The following CRYBG1 variants were observed in gnomAD, a reference collection of about 807,000 sequenced individuals.
The protein encoded by CRYBG1 is beta/gamma crystallin domain-containing protein 1.
In CRYBG1, 139 loss-of-function variants were observed where a neutral mutation model predicts 189.2. The observed-to-expected ratio is 0.73, with a 90% CI of 0.64 to 0.85. CRYBG1 has a LOEUF of 0.85. Among genes scored for constraint, CRYBG1 ranks in the 40% least tolerant of loss-of-function variants. The pLI, the probability that CRYBG1 is intolerant of heterozygous loss-of-function variation, is 0.00. For synonymous variants in CRYBG1, 1,023 were observed against 1,017.1 expected, an observed-to-expected ratio of 1.01 and a Z score of -0.11; for missense variants, 2,611 against 2,675.8, an observed-to-expected ratio of 0.98 and a Z score of 0.53.
chr6:106,482,753 C>T (rs994404951), intron 2 of CRYBG1, among the ~76,000 whole-genome samples: 1 of 150,750 alleles, frequency 6.6e-6, no homozygotes, highest in African/African-American at 2.5e-5. Flanking sequence ...GCAGCCTGGG[C>T]GACAGAGCGA....
In CRYBG1 at chr6:106,539,554, T is replaced by C. The variant is rs774622569; in HGVS notation, c.4845+25T>C. The C allele has an allele frequency of 3.8e-6, 6 of 1,595,944 alleles. No individual in the cohort carries two copies. The Admixed American group carries it at 8.7e-5, about 23-fold the overall frequency. ...GGTAAAAATGAAATCCAAATGTCCT[T>C]GTGGTGATTCTTTGTCAGCTTGACG... On this transcript the variant is annotated intron_variant, in intron 9 of 21. Transcript: ENST00000633556.
rs1234217551 is a variant in CRYBG1, at chr6:106,544,571, T to C, written c.5040T>C (p.Ile1680=). The stretch of plus-strand genomic sequence containing the variant: ...ACTCCTCGTGTTCTTTATGTTGCAG[T>C]TGGGTTGCATATGAGAAACCTGGAT... The part of the protein sequence containing the change: ...SVGSMKVLRG[I]WVAYEKPGFT... Residue 1680 remains isoleucine, a splice_region_variant and synonymous_variant, in exon 12 of 22, where the codon ATT becomes ATC. Transcript: ENST00000633556. The C allele has an allele frequency of 3.7e-6, 6 of 1,613,308 alleles. No homozygotes were observed. The highest frequency in any genetic ancestry group is 4.2e-6 in the Non-Finnish European group (5 of 1,179,610).
chr6:106,453,757 C>A (rs1475855098), intron 2 of CRYBG1, among the ~76,000 whole-genome samples: 1 of 152,186 alleles, frequency 6.6e-6, no homozygotes, highest in Admixed American at 6.5e-5. Context: ...TGTGGCCTCC[C>A]TTGCAAAAAG....
chr6:106,411,090 T>G (rs1770920581), intron 1 of CRYBG1, among the ~76,000 whole-genome samples: 1 of 152,166 alleles, frequency 6.6e-6, no homozygotes, highest in Admixed American at 6.5e-5. Context: ...GATTTTAATC[T>G]TAAGAACTGG....
At chr6:106,536,901 A>G (rs1337272017) in intron 8 of CRYBG1, among the ~76,000 whole-genome samples, 2 of 152,250 alleles carry the variant, frequency 1.3e-5, no homozygotes, top group Admixed American at 6.5e-5. Context: ...AATGTATCTT[A>G]TTGGAACAGA....
At chr6:106,431,105 A>G (rs1015970168) in intron 1 of CRYBG1, among the ~76,000 whole-genome samples, 5 of 151,324 alleles carry the variant, frequency 3.3e-5, no homozygotes, top group Admixed American at 3.3e-4. Flanking sequence ...CAAGTGATCC[A>G]CCCGCCTCAG....
At chr6:106,476,536 G>A (rs545709666) in intron 2 of CRYBG1, among the ~76,000 whole-genome samples, 1 of 152,220 alleles carries the variant, frequency 6.6e-6, no homozygotes, top group African/African-American at 2.4e-5. Flanking sequence ...ATGACACTAA[G>A]GAATGACACA....
intron 2 of CRYBG1, among the ~76,000 whole-genome samples, chr6:106,470,677 T>G (rs947683629): frequency 1.3e-5 from 2 of 152,204 alleles, no homozygotes; most frequent in Admixed American, 1.3e-4. Flanking sequence ...AAGGCAGATC[T>G]ACTTAGACCG....
rs1450718576 is a variant in CRYBG1 at position 106,521,282 on chromosome 6, A to G, written c.4074A>G (p.Glu1358=). 1 of 1,613,962 alleles carries G rather than the reference A, an allele frequency of 6.2e-7. No individual in the cohort carries two copies. The highest frequency in any genetic ancestry group is 1.7e-5 in the Admixed American group (1 of 59,970). The change falls in exon 4 of 22, where the codon GAA becomes GAG. Residue 1358 remains glutamate (E), a synonymous_variant. Transcript: ENST00000633556. Reference sequence around the variant, plus strand: ...ACTTGCCAGAAACTAAATTTTCTGAATTGTCAAAACTGAAGAATGATGATA... The same window carrying G: ...ACTTGCCAGAAACTAAATTTTCTGAGTTGTCAAAACTGAAGAATGATGATA... ...NLHLPETKFS[E]LSKLKNDDME...
intron 6 of CRYBG1, among the ~76,000 whole-genome samples, chr6:106,526,790 A>T (rs1262226767): frequency 6.6e-6 from 1 of 151,988 alleles, no homozygotes; most frequent in African/African-American, 2.4e-5. Flanking sequence ...AAAATACAAA[A>T]ATCAGCCAGG....
chr6:106,557,387 T>C (rs891627320), intron 17 of CRYBG1, among the ~76,000 whole-genome samples: 3 of 146,780 alleles, frequency 2.0e-5, no homozygotes, highest in Admixed American at 1.4e-4. Context: ...AGGGAAAAAA[T>C]TGTAATCCCC....
At chr6:106,568,427 T>C in intron 21 of CRYBG1, 45 bp from the exon 22 acceptor site, 1 of 1,482,382 alleles carries the variant, frequency 6.7e-7, no homozygotes, top group Non-Finnish European at 9.4e-7. Context: ...CTATAGACCC[T>C]TCACCATGGG....
At chr6:106,369,748 G>A (rs1241738341) in intron 1 of CRYBG1, among the ~76,000 whole-genome samples, 1 of 152,184 alleles carries the variant, frequency 6.6e-6, no homozygotes, top group Non-Finnish European at 1.5e-5. Flanking sequence ...TATTCAATAT[G>A]CACTATGTAT....
chr6:106,545,566 A>G (rs1473515887), intron 13 of CRYBG1, among the ~76,000 whole-genome samples: 1 of 152,240 alleles, frequency 6.6e-6, no homozygotes, highest in Non-Finnish European at 1.5e-5. Flanking sequence ...GCAGCGGATC[A>G]AACACTATCA....
chr6:106,435,831 T>G (rs983917886), intron 1 of CRYBG1, among the ~76,000 whole-genome samples: 10 of 152,186 alleles, frequency 6.6e-5, no homozygotes, highest in African/African-American at 2.4e-5. Flanking sequence ...CCTCCCAAAG[T>G]GCTGGGATTA....
At chr6:106,480,285 A>G (rs918869771) in intron 2 of CRYBG1, among the ~76,000 whole-genome samples, 1 of 152,116 alleles carries the variant, frequency 6.6e-6, no homozygotes, top group South Asian at 2.1e-4. Flanking sequence ...GTGATGCAGT[A>G]TGATAGGGAA....
chr6:106,387,886 A>G (rs1306036850), intron 1 of CRYBG1, among the ~76,000 whole-genome samples: 1 of 152,222 alleles, frequency 6.6e-6, no homozygotes, highest in Non-Finnish European at 1.5e-5. Flanking sequence ...TCACTCGTGA[A>G]TTCTCAGGTG....
At chr6:106,459,587 C>G (rs73509299) in intron 2 of CRYBG1, among the ~76,000 whole-genome samples, 2,694 of 148,172 alleles carry the variant, frequency 0.018, 94 homozygotes, top group African/African-American at 0.064. Context: ...TGATCATCTT[C>G]CCATGTCAGT....
At chr6:106,473,164 A>C (rs968194461) in intron 2 of CRYBG1, among the ~76,000 whole-genome samples, 2 of 152,196 alleles carry the variant, frequency 1.3e-5, no homozygotes, top group African/African-American at 4.8e-5. Flanking sequence ...CTCCAATTTT[A>C]ACTATTCTTT....
Sources: gnomAD v4.1 joint callset for allele counts (sites outside exome capture counted in the v4.1 genomes callset) on GRCh38, gnomAD v4.1.1 for gene constraint, MANE v1.5 for transcripts, NCBI Gene and HGNC (gene_info 2026-07-23, HGNC 2026-07-21) for gene names.